FAT4: variants seen among roughly 807,000 people sequenced by gnomAD.
The protein encoded by FAT4 is FAT atypical cadherin 4.
Under a neutral mutation model 303.9 loss-of-function variants are expected in FAT4, and 84 were observed. The observed-to-expected ratio is 0.28, with a 90% CI of 0.23 to 0.33. FAT4 has a LOEUF of 0.33. FAT4 is among the 10% of genes least tolerant of loss of function. The pLI is 1.00. For missense variants in FAT4, 6,005 were observed against 6,146.8 expected, an observed-to-expected ratio of 0.98 and a Z score of 0.77; for synonymous variants, 2,307 against 2,298.8, an observed-to-expected ratio of 1.00 and a Z score of -0.10.
At chr4:125,327,450 G>A (rs940238335) in intron 2 of FAT4, among the ~76,000 whole-genome samples, 3 of 152,170 alleles carry the variant, frequency 2.0e-5, no homozygotes, top group Admixed American at 6.5e-5. Context: ...GAAGTCAAGA[G>A]TGTTTCTTTA....
intron 10 of FAT4, among the ~76,000 whole-genome samples, chr4:125,455,230 A>G (rs1177178202): frequency 6.6e-6 from 1 of 152,194 alleles, no homozygotes; most frequent in Non-Finnish European, 1.5e-5. Context: ...GTGCAAATGT[A>G]TTAGGTATGG....
intron 9 of FAT4, among the ~76,000 whole-genome samples, chr4:125,448,042 A>G (rs1247963053): frequency 7.9e-5 from 12 of 152,092 alleles, no homozygotes; most frequent in Admixed American, 7.2e-4. Flanking sequence ...ATATTTTAAG[A>G]CACACTAGAG....
At chr4:125,476,745 A>G (rs1169877946) in intron 13 of FAT4, among the ~76,000 whole-genome samples, 1 of 152,164 alleles carries the variant, frequency 6.6e-6, no homozygotes, top group Non-Finnish European at 1.5e-5. Flanking sequence ...TCATTGCCTC[A>G]ATCAACTTAT....
At chr4:125,462,365 T>G (rs1481046787) in intron 10 of FAT4, among the ~76,000 whole-genome samples, 1 of 151,914 alleles carries the variant, frequency 6.6e-6, no homozygotes, top group East Asian at 1.9e-4. Context: ...AATGCATTAG[T>G]GAAATTGGGC....
intron 9 of FAT4, among the ~76,000 whole-genome samples, chr4:125,447,925 T>A (rs1725883524): frequency 6.6e-6 from 1 of 152,016 alleles, no homozygotes; most frequent in Non-Finnish European, 1.5e-5. Context: ...TTCCATCTGA[T>A]AATAGTTCAC....
chr4:125,343,750 T>C (rs766294732), intron 2 of FAT4, among the ~76,000 whole-genome samples: 9 of 152,072 alleles, frequency 5.9e-5, no homozygotes, highest in Non-Finnish European at 8.8e-5. Context: ...ACAAAGTAAA[T>C]TAGTTAAGCA....
At chr4:125,338,526 A>G (rs574725297) in intron 2 of FAT4, among the ~76,000 whole-genome samples, 4 of 152,328 alleles carry the variant, frequency 2.6e-5, no homozygotes, top group South Asian at 2.1e-4. Flanking sequence ...TGCATGGTTC[A>G]AAGGTAAGCA....
In FAT4 at chr4:125,354,752, GAA is replaced by G. The variant is rs35163847; in HGVS notation, c.5175+33181_5175+33182del. ...GTAAACAAGCCTTTCAGAGTTTAAT[GAA>G]AAAAAAAAAAAAAACTGGTTAGAAC... On this transcript the variant is annotated intron_variant, in intron 2 of 17. Coordinates refer to ENST00000394329, the MANE Select transcript of FAT4 (RefSeq NM_001291303.3). 4.0e-3 allele frequency among the ~76,000 whole-genome samples: 547 copies of G among 135,238 alleles called. 3 individuals carry two copies. Among genetic ancestry groups the G allele is most frequent in the African/African-American group, 0.012 (446 of 37,682 alleles). 88.7% of individuals were successfully genotyped at this position (135,238 alleles called of 152,430 possible).
At position 125,491,123 on chromosome 4, in the gene FAT4, G is replaced by A. The variant is rs200555544; in HGVS notation, c.14307G>A (p.Gly4769=). ...QAMASHGSRP[G]SRLKQPIGQI... ...TGGCATCACATGGTTCTAGACCAGG[G>A]AGTCGCCTAAAGCAGCCGATTGGGC... is the stretch of plus-strand genomic sequence containing the variant. The change falls in exon 18 of 18, where the codon GGG becomes GGA. Residue 4769 remains glycine (G), a synonymous_variant. Coordinates refer to ENST00000394329, the MANE Select transcript of FAT4 (RefSeq NM_001291303.3). 1.5e-5 allele frequency: 24 copies of A among 1,614,172 alleles called. No homozygotes were observed. The highest frequency in any genetic ancestry group is 1.7e-5 in the Non-Finnish European group (20 of 1,180,026).
chr4:125,377,185 G>A (rs926798610), intron 2 of FAT4, among the ~76,000 whole-genome samples: 3 of 151,938 alleles, frequency 2.0e-5, no homozygotes, highest in East Asian at 3.9e-4. Flanking sequence ...AATTACCAAC[G>A]ACTATTTGTT....
chr4:125,328,578 A>G (rs539254537), intron 2 of FAT4, among the ~76,000 whole-genome samples: 2 of 152,316 alleles, frequency 1.3e-5, no homozygotes, highest in South Asian at 4.1e-4. Context: ...AGCAAGTGGC[A>G]TTTTTGATGA....
At position 125,419,956 on chromosome 4, in the gene FAT4, T is replaced by C. The variant is rs145449735; in HGVS notation, c.7018+3334T>C. 1.7e-3 allele frequency among the ~76,000 whole-genome samples: 258 copies of C among 152,372 alleles called. 1 individual carries two copies. Among genetic ancestry groups the C allele is most frequent in the African/African-American group, 5.7e-3 (236 of 41,594 alleles). Reference sequence around the variant, plus strand: ...TAAAAATGCCAACCTTTCTGCCATGTTGGCCTTTTGCACTTGTAGTTCTCT... The same window carrying C: ...TAAAAATGCCAACCTTTCTGCCATGCTGGCCTTTTGCACTTGTAGTTCTCT... On this transcript the variant is annotated intron_variant, in intron 7 of 17. Transcript: ENST00000394329.
In FAT4 at chr4:125,481,573, C is replaced by T. The variant is rs1377116179; in HGVS notation, c.12657C>T (p.Tyr4219=). The T allele has an allele frequency of 6.2e-7, 1 of 1,614,040 alleles. No homozygotes were observed. Among genetic ancestry groups the T allele is most frequent in the South Asian group, 1.1e-5 (1 of 91,084 alleles). ...LSLEGKGRLD[Y]HMSQNEKREY... ...TAGAAGGCAAAGGGCGCTTGGACTACCACATGAGTCAGAATGAGAAGCGGG... is the reference window on the plus strand; with the variant it reads ...TAGAAGGCAAAGGGCGCTTGGACTATCACATGAGTCAGAATGAGAAGCGGG... The change falls in exon 16 of 18, where the codon TAC becomes TAT. Residue 4219 remains tyrosine (Y), a synonymous_variant. Coordinates refer to ENST00000394329, the MANE Select transcript of FAT4 (RefSeq NM_001291303.3).
At chr4:125,438,470 A>G (rs1450348935) in intron 8 of FAT4, among the ~76,000 whole-genome samples, 2 of 152,130 alleles carry the variant, frequency 1.3e-5, no homozygotes. Flanking sequence ...TGATTGGTTG[A>G]TTAAATTTTC....
chr4:125,436,164 C>T (rs1433555451), intron 8 of FAT4, among the ~76,000 whole-genome samples: 1 of 146,802 alleles, frequency 6.8e-6, no homozygotes, highest in Non-Finnish European at 1.5e-5. Flanking sequence ...ACATTGTGCA[C>T]ATGTACCCTA....
Position 125,320,814 on chromosome 4 carries a change from A to G in FAT4, c.4403A>G (p.His1468Arg), listed in dbSNP as rs772957929. ...ATTCAACAGATGCCAAGAGGCAACC[A>G]CTTTACCATAGATGAAGTCAAAGGG... is the stretch of plus-strand genomic sequence containing the variant. ...TIIQQMPRGN[H>R]FTIDEVKGTI... The change falls in exon 2 of 18, where the codon CAC becomes CGC. Residue 1468 changes from histidine (H) to arginine (R), a missense_variant. Physicochemically the swap from His to Arg is conservative, Grantham distance 29. Transcript: ENST00000394329. 2.0e-5 allele frequency: 32 copies of G among 1,614,016 alleles called. No individual in the cohort carries two copies. In the East Asian group the frequency reaches 6.7e-4, roughly 34 times the overall value.
At chr4:125,329,413 C>T (rs565610278) in intron 2 of FAT4, among the ~76,000 whole-genome samples, 1 of 152,296 alleles carries the variant, frequency 6.6e-6, no homozygotes, top group South Asian at 2.1e-4. Context: ...CGGTTGGCTT[C>T]CGAGTCATCA....
rs745852357 is a variant in FAT4, at chr4:125,320,488, C to T, written c.4077C>T (p.Asn1359=). ...DLYYSITGTN[N]HGTFSISPNT... ...ATTACAGTATTACTGGGACTAACAA[C>T]CACGGAACTTTTAGCATTAGCCCAA... The change falls in exon 2 of 18, where the codon AAC becomes AAT. Residue 1359 remains asparagine, a synonymous_variant. Transcript: ENST00000394329. 1.2e-6 allele frequency: 2 copies of T among 1,614,068 alleles called. No homozygotes were observed. Among genetic ancestry groups the T allele is most frequent in the Non-Finnish European group, 1.7e-6 (2 of 1,179,994 alleles).
intron 7 of FAT4, among the ~76,000 whole-genome samples, chr4:125,432,774 TTGTA>T (rs1015594835): frequency 3.3e-5 from 5 of 151,078 alleles, no homozygotes; most frequent in African/African-American, 9.7e-5. Context: ...TTTTTTGACT[TTGTA>T]TGTTAATTTA....
Sources: allele counts gnomAD v4.1 joint callset (sites outside exome capture counted in the v4.1 genomes callset), GRCh38; gene constraint gnomAD v4.1.1; transcripts MANE v1.5; gene names NCBI Gene and HGNC (gene_info 2026-07-23, HGNC 2026-07-21).